Variants in MAN2A1 observed in about 807,000 individuals in gnomAD.
MAN2A1 encodes the protein mannosidase alpha class 2A member 1.
A neutral mutation model predicts 142.6 loss-of-function variants in MAN2A1; 76 were observed. That is an observed-to-expected ratio of 0.53 (90% confidence interval 0.44 to 0.65). The LOEUF is 0.65. Ranked by LOEUF, MAN2A1 falls within the 30% of genes least tolerant of loss-of-function variation. The pLI is 0.00. For synonymous variants in MAN2A1, 559 were observed against 473.2 expected (o/e 1.18, Z -2.35); for missense variants, 1,311 against 1,365.1 (o/e 0.96, Z 0.62).
chr5:109,857,244 G>A (rs923144099), intron 20 of MAN2A1, among the ~76,000 whole-genome samples: 1 of 152,240 alleles, frequency 6.6e-6, no homozygotes, highest in Non-Finnish European at 1.5e-5. Context: ...GTGAAGAAGA[G>A]TGTCTGCACA....
At chr5:109,719,820 A>G (rs1204619440) in intron 3 of MAN2A1, among the ~76,000 whole-genome samples, 2 of 152,178 alleles carry the variant, frequency 1.3e-5, no homozygotes, top group African/African-American at 4.8e-5. Context: ...ATTTCAAAAT[A>G]TGTTTGTATT....
intron 4 of MAN2A1, among the ~76,000 whole-genome samples, chr5:109,733,145 C>G (rs557108839): frequency 6.6e-6 from 1 of 152,204 alleles, no homozygotes; most frequent in South Asian, 2.1e-4. Context: ...GGAGTTCACT[C>G]ATGATTTGGC....
intron 12 of MAN2A1, among the ~76,000 whole-genome samples, chr5:109,806,208 C>T (rs1052183480): frequency 1.3e-5 from 2 of 152,148 alleles, no homozygotes; most frequent in African/African-American, 2.4e-5. Context: ...TGCACCCTGA[C>T]TGCCTTACCC....
chr5:109,847,732 A>G lies in MAN2A1; in HGVS notation c.2918A>G (p.Asn973Ser). The G allele has an allele frequency of 6.2e-7, 1 of 1,602,384 alleles. No individual in the cohort carries two copies. Among genetic ancestry groups the G allele is most frequent in the South Asian group, 1.1e-5 (1 of 88,862 alleles). Residue 973 changes from asparagine to serine, a missense_variant, in exon 19 of 22, where the codon AAC becomes AGC. Around this residue, in one of 3 missense-constraint regions of MAN2A1, gnomAD observed 890 missense variants for 920.5 expected, o/e 0.97. Coordinates refer to ENST00000261483, the MANE Select transcript of MAN2A1 (RefSeq NM_002372.4). ...GGCCTTGAGCAAGGTATCCAGGATAACAAGATTACAGCTAATCTATTTCGA... is the reference window on the plus strand; with the variant it reads ...GGCCTTGAGCAAGGTATCCAGGATAGCAAGATTACAGCTAATCTATTTCGA... The part of the protein sequence containing the change: ...NRGLEQGIQD[N>S]KITANLFRIL...
chr5:109,746,414 A>C (rs1752406253), intron 4 of MAN2A1, among the ~76,000 whole-genome samples: 1 of 152,010 alleles, frequency 6.6e-6, no homozygotes, highest in South Asian at 2.1e-4. Flanking sequence ...GTACTCAGCC[A>C]CTCCTGTCTC....
chr5:109,742,291 G>C (rs920395159), intron 4 of MAN2A1, among the ~76,000 whole-genome samples: 2 of 152,190 alleles, frequency 1.3e-5, no homozygotes, highest in African/African-American at 4.8e-5. Context: ...GTTTCTCTTT[G>C]TGGATCTTTT....
At chr5:109,836,046 A>T (rs1314139004) in intron 16 of MAN2A1, among the ~76,000 whole-genome samples, 3 of 152,028 alleles carry the variant, frequency 2.0e-5, no homozygotes, top group Non-Finnish European at 4.4e-5. Context: ...CTCATATTTC[A>T]GGCATGGCGT....
At chr5:109,849,262 A>G (rs1755418287) in intron 19 of MAN2A1, among the ~76,000 whole-genome samples, 1 of 152,182 alleles carries the variant, frequency 6.6e-6, no homozygotes, top group African/African-American at 2.4e-5. Context: ...TGCATCTTCC[A>G]CACAGGTAGA....
intron 16 of MAN2A1, among the ~76,000 whole-genome samples, chr5:109,833,741 A>C (rs904958135): frequency 6.6e-6 from 1 of 151,998 alleles, no homozygotes; most frequent in Non-Finnish European, 1.5e-5. Context: ...TCTTATAGGA[A>C]TATCATTCAG....
chr5:109,719,171 C>G (rs1266324742), intron 3 of MAN2A1, among the ~76,000 whole-genome samples: 1 of 152,092 alleles, frequency 6.6e-6, no homozygotes, highest in Non-Finnish European at 1.5e-5. Context: ...TGACTATAAT[C>G]TCTTTTGGTA....
At chr5:109,846,854 G>T (rs1446544634) in intron 18 of MAN2A1, among the ~76,000 whole-genome samples, 1 of 152,106 alleles carries the variant, frequency 6.6e-6, no homozygotes, top group Non-Finnish European at 1.5e-5. Context: ...ATGCCATAAA[G>T]ACATGAATTC....
chr5:109,790,330 GGAAT>G (rs1168770185), intron 12 of MAN2A1, among the ~76,000 whole-genome samples: 1 of 151,688 alleles, frequency 6.6e-6, no homozygotes, highest in African/African-American at 2.4e-5. Flanking sequence ...AAAAATAAAT[GGAAT>G]GAATGTAAAA....
chr5:109,771,143 A>G (rs1753134494), intron 7 of MAN2A1, among the ~76,000 whole-genome samples: 2 of 152,194 alleles, frequency 1.3e-5, no homozygotes, highest in African/African-American at 4.8e-5. Flanking sequence ...CTAATGATGG[A>G]AGCATCTCAT....
chr5:109,758,326 AG>A (rs1426952375), intron 5 of MAN2A1, among the ~76,000 whole-genome samples: 5 of 152,096 alleles, frequency 3.3e-5, no homozygotes, highest in Admixed American at 6.6e-5. Flanking sequence ...AGATCTTTTA[AG>A]GATAAATGTC....
At chr5:109,727,887 G>A (rs567675572) in intron 3 of MAN2A1, among the ~76,000 whole-genome samples, 3 of 152,250 alleles carry the variant, frequency 2.0e-5, no homozygotes, top group Admixed American at 6.5e-5. Context: ...GTGAAGCTAG[G>A]TGGGATTCTT....
At chr5:109,757,586 T>C (rs1393002084) in intron 5 of MAN2A1, among the ~76,000 whole-genome samples, 2 of 152,196 alleles carry the variant, frequency 1.3e-5, no homozygotes, top group African/African-American at 4.8e-5. Context: ...TTTATTGAGA[T>C]ATATTTCACA....
In MAN2A1 at chr5:109,722,705, C is replaced by T. The variant is rs143096289; in HGVS notation, c.535+6441C>T. 2.4e-3 allele frequency among the ~76,000 whole-genome samples: 372 copies of T among 152,186 alleles called. 2 individuals are homozygous for T. The highest frequency in any genetic ancestry group is 8.7e-3 in the African/African-American group (361 of 41,524). ...TGCTGGGATTACAGACTTAAGCCAC[C>T]GTACCTAGCAATATTTTCCAGCCTT... On this transcript the variant is annotated intron_variant, in intron 3 of 21. Transcript: ENST00000261483.
intron 5 of MAN2A1, among the ~76,000 whole-genome samples, chr5:109,762,637 C>G (rs780084472): frequency 4.0e-4 from 61 of 152,232 alleles, no homozygotes; most frequent in Non-Finnish European, 7.1e-4. Context: ...GTATGTTCCT[C>G]CTACCTCAAG....
chr5:109,716,259 A>T lies in MAN2A1; in HGVS notation c.530A>T (p.Asp177Val). ...TTTGTGGTGCCTCATTCCCATAACG[A>T]CCCAGGTAAAATTTGCACTTCAAAA... ...QVFVVPHSHN[D>V]PGWLKTFNDY... Residue 177 changes from aspartate (D) to valine (V), a missense_variant, in exon 3 of 22, where the codon GAC becomes GTC. By Grantham distance (152) the Asp-to-Val change is radical (BLOSUM62 -3). This residue lies in a region of MAN2A1 where 409 missense variants were observed against 412.7 expected (regional missense o/e 0.99). Transcript: ENST00000261483. The T allele has an allele frequency of 6.3e-7, 1 of 1,598,954 alleles. No individual in the cohort carries two copies. Among genetic ancestry groups the T allele is most frequent in the Non-Finnish European group, 8.5e-7 (1 of 1,173,260 alleles).
Sources: allele counts gnomAD v4.1 joint callset (sites outside exome capture counted in the v4.1 genomes callset), GRCh38; gene constraint gnomAD v4.1.1; regional missense constraint gnomAD v4.1.1; transcripts MANE v1.5; gene names NCBI Gene and HGNC (gene_info 2026-07-23, HGNC 2026-07-21).